Variants in ZFX observed in about 807,000 individuals in gnomAD.
The protein encoded by ZFX is zinc finger X-chromosomal protein.
For missense variants in ZFX, 362 were observed against 628.3 expected (o/e 0.58, Z 4.53); for synonymous variants, 196 against 226.8 (o/e 0.86, Z 1.22).
intron 3 of ZFX, among the ~76,000 whole-genome samples, chrX:24,157,916 G>A (rs1292800601): frequency 1.8e-5 from 2 of 110,828 alleles, no homozygotes; most frequent in African/African-American, 3.3e-5. Context: ...ACGCTGCCAC[G>A]CCCAGCTAAT....
intron 3 of ZFX, among the ~76,000 whole-genome samples, 170 bp downstream of exon 3, chrX:24,153,000 T>A (rs1419063137): frequency 8.9e-6 from 1 of 112,691 alleles, no homozygotes; most frequent in Non-Finnish European, 1.9e-5. Context: ...TTCAGATAGA[T>A]GCAGATTTCT....
intron 4 of ZFX, 84 bp from the exon 5 acceptor site, chrX:24,179,099 T>G (rs1249448218): frequency 3.6e-6 from 3 of 839,199 alleles, no homozygotes; most frequent in Non-Finnish European, 5.1e-6. Context: ...TAATCTGTTT[T>G]CCCAGTAGAA....
intron 5 of ZFX, among the ~76,000 whole-genome samples, chrX:24,189,028 G>A (rs1003026933): frequency 5.4e-5 from 6 of 111,208 alleles, no homozygotes; most frequent in Admixed American, 1.9e-4. Context: ...TAGTAGAGAC[G>A]GGGTTTCACT....
chrX:24,207,245 A>AATTT (rs760015277), intron 5 of ZFX, 81 bp from the exon 6 acceptor site: 73 of 753,236 alleles, frequency 9.7e-5, no homozygotes, highest in Admixed American at 3.3e-4. Context: ...AAAAAAAAAA[A>AATTT]TTTTTTTTTT....
rs1378841573 is a variant in ZFX, at chrX:24,184,766, TATA to T, written c.646+4999_646+5001del. Among the ~76,000 whole-genome samples the T allele has an allele frequency of 7.2e-5, 8 of 111,717 alleles. No homozygotes were observed. The South Asian group carries it at 1.1e-3, about 15-fold the overall frequency. On this transcript the variant is annotated intron_variant, in intron 5 of 9. Coordinates refer to ENST00000304543, the MANE Select transcript of ZFX (RefSeq NM_003410.4). Reference sequence around the variant, plus strand: ...TATGTATGTGTATATATTTTGATAATATAATTTCTTTCCTTTTAAAATAAAACA... The same window carrying T: ...TATGTATGTGTATATATTTTGATAATATTTCTTTCCTTTTAAAATAAAACA...
At chrX:24,172,380 A>G (rs1341005293) in intron 3 of ZFX, among the ~76,000 whole-genome samples, 1 of 112,099 alleles carries the variant, frequency 8.9e-6, no homozygotes, top group Admixed American at 9.5e-5. Flanking sequence ...AAAGCGTTCT[A>G]TATTTTGATC....
At chrX:24,152,179 A>G (rs1932252681) in intron 2 of ZFX, among the ~76,000 whole-genome samples, 1 of 107,190 alleles carries the variant, frequency 9.3e-6, no homozygotes, top group Non-Finnish European at 1.9e-5. Context: ...TCTGTCGCCC[A>G]GGCTGGAGTG....
chrX:24,161,496 T>C (rs954717834), intron 3 of ZFX, among the ~76,000 whole-genome samples: 4 of 111,380 alleles, frequency 3.6e-5, no homozygotes, highest in Non-Finnish European at 7.5e-5. Flanking sequence ...ACACTTATTA[T>C]AAAGCTACAG....
chrX:24,155,527 C>T (rs1364961894), intron 3 of ZFX, among the ~76,000 whole-genome samples: 2 of 112,028 alleles, frequency 1.8e-5, no homozygotes, highest in Non-Finnish European at 3.8e-5. Flanking sequence ...CATGGTTTGT[C>T]TTTCTTGGGA....
Position 24,171,471 on chromosome X carries a change from T to G in ZFX, c.-28-1244T>G, listed in dbSNP as rs150163826. 2.1e-3 allele frequency among the ~76,000 whole-genome samples: 238 copies of G among 111,087 alleles called. 2 individuals carry two copies. The highest frequency in any genetic ancestry group is 0.014 in the South Asian group (36 of 2,629). ...TGGGAAGGTAGTTTGGGGCCAGAAC[T>G]TAGAAGATGACAGGTGTTTGAATTT... On this transcript the variant is annotated intron_variant, in intron 3 of 9. Transcript: ENST00000304543.
Position 24,167,467 on chromosome X carries a change from G to A in ZFX, c.-28-5248G>A, listed in dbSNP as rs754064054. On this transcript the variant is annotated intron_variant, in intron 3 of 9. Transcript: ENST00000304543. ...TCAGGAAAACCAGCAGTTTAAAAGA[G>A]AGGCACCAAATTCAACTAACTGAAT... 6.6e-4 allele frequency among the ~76,000 whole-genome samples: 74 copies of A among 111,723 alleles called. 1 individual carries two copies. Among genetic ancestry groups the A allele is most frequent in the African/African-American group, 2.4e-3 (73 of 30,754 alleles).
At chrX:24,149,308 G>C (rs1931666337), upstream of ZFX, 2 of 109,979 alleles carry the variant, frequency 1.8e-5, no homozygotes, top group African/African-American at 3.3e-5. Context: ...GACATGGTGG[G>C]GGGCGGCCGG....
At chrX:24,198,746 A>G (rs1937094633) in intron 5 of ZFX, among the ~76,000 whole-genome samples, 1 of 110,967 alleles carries the variant, frequency 9.0e-6, no homozygotes, top group Admixed American at 9.7e-5. Context: ...TAGGGAGGTA[A>G]AAAGCAGTAT....
Position 24,179,572 on chromosome X carries a change from G to T in ZFX, c.448G>T (p.Val150Phe). 3 of 1,212,124 alleles carry T rather than the reference G, an allele frequency of 2.5e-6. No homozygotes were observed. Among genetic ancestry groups the T allele is most frequent in the Non-Finnish European group, 3.3e-6 (3 of 895,640 alleles). The stretch of plus-strand genomic sequence containing the variant: ...GTCTGACGTTGGACATGTTGGACAT[G>T]TTGGACATGTTGAACATGTGGTTCA... ...HVSDVGHVGHVGHVEHVVHDS... is the reference protein window; with the variant it reads ...HVSDVGHVGHFGHVEHVVHDS... The change falls in exon 5 of 10, where the codon GTT becomes TTT. Residue 150 changes from valine (V) to phenylalanine (F), a missense_variant. Physicochemically the swap from Val to Phe is conservative, Grantham distance 50. Coordinates refer to ENST00000304543, the MANE Select transcript of ZFX (RefSeq NM_003410.4).
rs780031070 is a variant in ZFX at position 24,179,809 on chromosome X, G to T, written c.646+39G>T. Reference sequence around the variant, plus strand: ...TACAGTGATTGTCAAAGGTGTTTTTGTAGGCTGCCTCTTCTAATTTACATC... The same window carrying T: ...TACAGTGATTGTCAAAGGTGTTTTTTTAGGCTGCCTCTTCTAATTTACATC... On this transcript the variant is annotated intron_variant, in intron 5 of 9. Coordinates refer to ENST00000304543, the MANE Select transcript of ZFX (RefSeq NM_003410.4). 13 of 1,117,551 alleles carry T rather than the reference G, an allele frequency of 1.2e-5. No individual in the cohort carries two copies. In the South Asian group the frequency reaches 2.6e-4, roughly 23 times the overall value. The allele number at this position is 1,117,551 out of a possible 1,213,427, so 92.1% of individuals were successfully genotyped here. A position where few individuals can be genotyped will look rare whatever the true frequency, so the allele number is the denominator to read the frequency against.
chrX:24,172,928 G>C (rs1934761827), intron 4 of ZFX, 128 bp downstream of exon 4: 1 of 625,125 alleles, frequency 1.6e-6, no homozygotes, highest in African/African-American at 2.3e-5. Context: ...ATTCACAGGT[G>C]TTACGGTGAG....
At chrX:24,207,245 A>ATTTTTTT (rs78241704) in intron 5 of ZFX, 81 bp from the exon 6 acceptor site, 8 of 753,855 alleles carry the variant, frequency 1.1e-5, no homozygotes, top group East Asian at 4.4e-5. Flanking sequence ...AAAAAAAAAA[A>ATTTTTTT]TTTTTTTTTT....
chrX:24,202,236 G>A (rs1206760279), intron 5 of ZFX, among the ~76,000 whole-genome samples: 1 of 111,661 alleles, frequency 9.0e-6, no homozygotes, highest in Non-Finnish European at 1.9e-5. Context: ...CATGTGCTCT[G>A]GCTTCAGTCT....
At position 24,210,810 on chromosome X, in the gene ZFX, A is replaced by C. The variant is rs1214644134; in HGVS notation, c.1852A>C (p.Lys618Gln). The C allele has an allele frequency of 8.2e-7, 1 of 1,212,151 alleles. No individual in the cohort carries two copies. Among genetic ancestry groups the C allele is most frequent in the Non-Finnish European group, 1.1e-6 (1 of 895,599 alleles). ...DICLLTFSDT[K>Q]EVQQHALIHQ... ...TTGTCTTCTGACTTTCTCGGATACCAAAGAGGTGCAGCAACATGCTCTTAT... is the reference window on the plus strand; with the variant it reads ...TTGTCTTCTGACTTTCTCGGATACCCAAGAGGTGCAGCAACATGCTCTTAT... The change falls in exon 10 of 10, where the codon AAA becomes CAA. Residue 618 changes from lysine to glutamine, a missense_variant. Transcript: ENST00000304543.
Sources: gnomAD v4.1 joint callset for allele counts (sites outside exome capture counted in the v4.1 genomes callset) on GRCh38, gnomAD v4.1.1 for gene constraint, MANE v1.5 for transcripts, NCBI Gene and HGNC (gene_info 2026-07-23, HGNC 2026-07-21) for gene names.